The following MAN1B1 variants were observed in gnomAD, a reference collection of about 807,000 sequenced individuals.
The protein encoded by MAN1B1 is endoplasmic reticulum mannosyl-oligosaccharide 1,2-alpha-mannosidase.
MAN1B1 carries 66 observed loss-of-function variants against 75.5 expected under a neutral mutation model. That is an observed-to-expected ratio of 0.87 (90% CI 0.72 to 1.07). The LOEUF is 1.07. MAN1B1 is among the 50% of genes least tolerant of loss of function. The pLI is 0.00. For synonymous variants in MAN1B1, 453 were observed against 382.8 expected (o/e 1.18, Z -2.14); for missense variants, 973 against 912.5 (o/e 1.07, Z -0.85).
At chr9:137,090,219 G>A (rs1272091212) in intron 3 of MAN1B1, among the ~76,000 whole-genome samples, 1 of 152,132 alleles carries the variant, frequency 6.6e-6, no homozygotes, top group East Asian at 1.9e-4. Flanking sequence ...GTGGCTGCTC[G>A]GAACCCTTAG....
chr9:137,096,168 T>C, intron 3 of MAN1B1, 69 bp from the exon 4 acceptor site: 1 of 1,553,002 alleles, frequency 6.4e-7, no homozygotes, highest in African/African-American at 1.4e-5. Context: ...CCTGAGGGCG[T>C]CCCATAGAGG....
chr9:137,093,208 A>G (rs754683017), intron 3 of MAN1B1, among the ~76,000 whole-genome samples: 31 of 152,182 alleles, frequency 2.0e-4, no homozygotes, highest in Non-Finnish European at 3.8e-4. Context: ...AGCCTGGCCA[A>G]CATGGTGAAA....
intron 5 of MAN1B1, 100 bp from the exon 6 acceptor site, chr9:137,099,596 T>C: frequency 1.5e-6 from 2 of 1,318,514 alleles, no homozygotes; most frequent in Non-Finnish European, 2.2e-6. Context: ...CCGTCATCTT[T>C]GCCCCATGGG....
At chr9:137,088,669 T>A in intron 2 of MAN1B1, 200 bp from the exon 3 acceptor site, 1 of 733,330 alleles carries the variant, frequency 1.4e-6, no homozygotes, top group Non-Finnish European at 2.3e-6. Flanking sequence ...GGTTCTGTGT[T>A]ATGGACAAGG....
At chr9:137,097,993 G>A (rs1830702149) in intron 5 of MAN1B1, 56 bp downstream of exon 5, 2 of 1,359,634 alleles carry the variant, frequency 1.5e-6, no homozygotes, top group Non-Finnish European at 1.0e-6. Flanking sequence ...GGTGGCTGAT[G>A]GGTGCAGGCT....
chr9:137,106,717 G>A lies in MAN1B1; in HGVS notation c.1474G>A (p.Glu492Lys), dbSNP rs775259244. The A allele has an allele frequency of 6.8e-6, 11 of 1,613,408 alleles. No individual in the cohort carries two copies. Among genetic ancestry groups the A allele is most frequent in the East Asian group, 4.5e-5 (2 of 44,896 alleles). The stretch of plus-strand genomic sequence containing the variant: ...GCTGGAAGACTACGTGGAAGCCATC[G>A]AGGGTGTCAGAACGCACCTGCTGCG... ...QLLEDYVEAI[E>K]GVRTHLLRHS... The change falls in exon 10 of 13, where the codon GAG becomes AAG. Residue 492 changes from glutamate to lysine, a missense_variant. By Grantham distance (56) the Glu-to-Lys change is moderately conservative. Transcript: ENST00000371589.
At chr9:137,099,603 TG>T in intron 5 of MAN1B1, 92 bp from the exon 6 acceptor site, 1 of 1,379,106 alleles carries the variant, frequency 7.3e-7, no homozygotes, top group Non-Finnish European at 1.0e-6. Context: ...CTTTGCCCCA[TG>T]GGGGTCACAG....
In MAN1B1 at chr9:137,087,098, C is replaced by T; in HGVS notation, c.99C>T (p.Thr33=). 2 of 1,598,502 alleles carry T rather than the reference C, an allele frequency of 1.3e-6. No individual in the cohort carries two copies. Among genetic ancestry groups the T allele is most frequent in the Non-Finnish European group, 1.7e-6 (2 of 1,174,426 alleles). Residue 33 remains threonine (T), a synonymous_variant, in exon 1 of 13, where the codon ACC becomes ACT. Transcript: ENST00000371589. Reference sequence around the variant, plus strand: ...GCGGGGCCCCTTGGGCCGTCGCCACCACTGTAGTCATGTACCCACCGCCGC... The same window carrying T: ...GCGGGGCCCCTTGGGCCGTCGCCACTACTGTAGTCATGTACCCACCGCCGC... ...PVGGAPWAVA[T]TVVMYPPPPP... is the part of the protein sequence containing the mutation.
At chr9:137,092,705 C>A (rs530398313) in intron 3 of MAN1B1, among the ~76,000 whole-genome samples, 1 of 152,204 alleles carries the variant, frequency 6.6e-6, no homozygotes, top group Non-Finnish European at 1.5e-5. Flanking sequence ...TCCCCTGCTA[C>A]GGTGCTGAGA....
At chr9:137,096,851 C>G (rs1005124304) in intron 4 of MAN1B1, among the ~76,000 whole-genome samples, 1 of 152,252 alleles carries the variant, frequency 6.6e-6, no homozygotes, top group African/African-American at 2.4e-5. Flanking sequence ...GGAGGCGTCT[C>G]TGCCTCGTTT....
Position 137,088,868 on chromosome 9 carries a change from G to A in MAN1B1, c.329-1G>A, listed in dbSNP as rs750977794. ...GAAATAAAATAGCTTCTGTTATTCA[G>A]CTCTGGCTTTCAGGCTAGAGGAAGA... On this transcript the variant is annotated splice_acceptor_variant, in intron 2 of 12. Coordinates refer to ENST00000371589, the MANE Select transcript of MAN1B1 (RefSeq NM_016219.5). LOFTEE classifies it high-confidence loss of function. The A allele has an allele frequency of 6.2e-7, 1 of 1,613,896 alleles. No homozygotes were observed. Among genetic ancestry groups the A allele is most frequent in the Non-Finnish European group, 8.5e-7 (1 of 1,180,022 alleles).
At chr9:137,107,808 C>T in intron 12 of MAN1B1, 146 bp downstream of exon 12, 3 of 1,163,232 alleles carry the variant, frequency 2.6e-6, no homozygotes, top group Non-Finnish European at 2.5e-6. Context: ...GGGGTGGCCA[C>T]ACTGCAGCTT....
intron 9 of MAN1B1, 154 bp from the exon 10 acceptor site, chr9:137,106,535 C>T (rs1049312504): frequency 7.9e-7 from 1 of 1,267,976 alleles, no homozygotes; most frequent in African/African-American, 1.5e-5. Flanking sequence ...GGGGCATCTT[C>T]ACTGAGGGCC....
At chr9:137,087,548 G>C (rs1280586763) in intron 1 of MAN1B1, 2 of 571,556 alleles carry the variant, frequency 3.5e-6, no homozygotes, top group Non-Finnish European at 6.6e-6. Context: ...GAGGTTCCCC[G>C]TGGTGTATGC....
intron 9 of MAN1B1, 51 bp downstream of exon 9, chr9:137,106,366 G>GCC: frequency 6.7e-7 from 1 of 1,482,976 alleles, no homozygotes; most frequent in Non-Finnish European, 9.1e-7. Flanking sequence ...CGTTCCCGCA[G>GCC]CCCCCCACTC....
chr9:137,096,019 G>A (rs989324711), intron 3 of MAN1B1, among the ~76,000 whole-genome samples: 3 of 152,230 alleles, frequency 2.0e-5, no homozygotes, highest in Admixed American at 6.5e-5. Context: ...GGGCTTAAGC[G>A]TTTTGTCTGG....
At position 137,095,316 on chromosome 9, in the gene MAN1B1, TG is replaced by T. The variant is rs1440986284; in HGVS notation, c.466-918del. Among the ~76,000 whole-genome samples the T allele has an allele frequency of 2.0e-5, 3 of 151,728 alleles. No individual in the cohort carries two copies. The East Asian group carries it at 6.0e-4, about 30-fold the overall frequency. ...GTGATCCACCTGCCTCCCAAAGTGC[TG>T]GGATTACAGACGTGAGCCACCGTGC... On this transcript the variant is annotated intron_variant, in intron 3 of 12. Coordinates refer to ENST00000371589, the MANE Select transcript of MAN1B1 (RefSeq NM_016219.5).
At chr9:137,103,591 G>T (rs200538284) in intron 8 of MAN1B1, 2 of 398,062 alleles carry the variant, frequency 5.0e-6, no homozygotes, top group African/African-American at 5.5e-5. Context: ...GCAGGCGTGC[G>T]GGTCGGTGGT....
At chr9:137,102,387 G>C in intron 8 of MAN1B1, 2 of 440,842 alleles carry the variant, frequency 4.5e-6, no homozygotes, top group South Asian at 1.6e-5. Flanking sequence ...GTGCAGGTCA[G>C]TGCTGTTACA....
Sources: gnomAD v4.1 joint callset for allele counts (sites outside exome capture counted in the v4.1 genomes callset) on GRCh38, gnomAD v4.1.1 for gene constraint, MANE v1.5 for transcripts, NCBI Gene and HGNC (gene_info 2026-07-23, HGNC 2026-07-21) for gene names.